RAD51AP2: variants seen among roughly 807,000 people sequenced by gnomAD.
RAD51AP2 encodes RAD51 associated protein 2.
Under a neutral mutation model 85.5 loss-of-function variants are expected in RAD51AP2, and 67 were observed. The ratio of observed to expected loss-of-function variants is 0.78; its 90% CI spans 0.64 to 0.96. The LOEUF (loss-of-function observed/expected upper bound fraction) is 0.96, where lower values mean the gene tolerates loss of function less well. Among genes scored for constraint, RAD51AP2 ranks in the 40% least tolerant of loss-of-function variants. The pLI, the probability that RAD51AP2 is intolerant of heterozygous loss-of-function variation, is 0.00. For missense variants in RAD51AP2, 1,307 were observed against 1,332.4 expected (o/e 0.98, Z 0.30); for synonymous variants, 474 against 446.5 (o/e 1.06, Z -0.78).
At chr2:17,528,426 A>G in the RAD51AP2 span, among the ~76,000 whole-genome samples, 7 of 152,220 alleles carry the variant, frequency 4.6e-5, no homozygotes, top group African/African-American at 1.7e-4. Context: ...CACTCTTAAA[A>G]CATAAAAATA....
upstream of RAD51AP2, among the ~76,000 whole-genome samples, chr2:17,520,972 T>C (rs971997487): frequency 6.6e-6 from 1 of 152,132 alleles, no homozygotes; most frequent in Non-Finnish European, 1.5e-5. Context: ...TGCATCGTCA[T>C]CTGTTTCCTA....
chr2:17,528,800 T>C, the RAD51AP2 span, among the ~76,000 whole-genome samples: 1 of 152,158 alleles, frequency 6.6e-6, no homozygotes, highest in Non-Finnish European at 1.5e-5. Flanking sequence ...GCCGTGATTG[T>C]ACCACTGCTC....
the RAD51AP2 span, among the ~76,000 whole-genome samples, chr2:17,528,792 C>T: frequency 2.6e-5 from 4 of 152,116 alleles, no homozygotes; most frequent in South Asian, 2.1e-4. Flanking sequence ...TGTAGTGAGC[C>T]GTGATTGTAC....
Position 17,515,993 on chromosome 2 carries a change from G to A in RAD51AP2, c.2423C>T (p.Thr808Ile), listed in dbSNP as rs755497056. ...ATTTAGTACTTGAGTTATAGAAGTG[G>A]TATGGGTCTCTTCATTATGTATTAT... is the stretch of plus-strand genomic sequence containing the variant. Reference protein sequence around the residue: ...HNIIHNEETHTTSITQVLNFW... With the variant: ...HNIIHNEETHITSITQVLNFW... Residue 808 changes from threonine (T) to isoleucine (I), a missense_variant, in exon 1 of 3, where the codon ACC (threonine) becomes ATC (isoleucine). Around this residue, in one of 3 missense-constraint regions of RAD51AP2, gnomAD observed 668 missense variants for 671.0 expected, o/e 1.00. Transcript: ENST00000399080. The A allele has an allele frequency of 1.9e-6, 3 of 1,613,534 alleles. No homozygotes were observed. Among genetic ancestry groups the A allele is most frequent in the Non-Finnish European group, 2.5e-6 (3 of 1,179,762 alleles).
chr2:17,518,185 T>G lies in RAD51AP2; in HGVS notation c.231A>C (p.Ser77=). 6.2e-7 allele frequency: 1 copy of G among 1,614,136 alleles called. No individual in the cohort carries two copies. Among genetic ancestry groups the G allele is most frequent in the Non-Finnish European group, 8.5e-7 (1 of 1,180,026 alleles). ...TGGAGTTATCGAAAATAGCATTCGT[T>G]GAAACAAGGAGTCCCTTGAAGGGTC... ...SPRPFKGLLV[S]TNAIFDNSTD... Residue 77 remains serine (S), a synonymous_variant, in exon 1 of 3, where the codon TCA becomes TCC. Coordinates refer to ENST00000399080, the MANE Select transcript of RAD51AP2 (RefSeq NM_001099218.3).
chr2:17,535,355 C>A, the RAD51AP2 span, among the ~76,000 whole-genome samples: 1 of 152,092 alleles, frequency 6.6e-6, no homozygotes, highest in Non-Finnish European at 1.5e-5. Flanking sequence ...CTCTCAAGAG[C>A]CAGAAAATGA....
chr2:17,511,996 T>C (rs1049014153), intron 2 of RAD51AP2, among the ~76,000 whole-genome samples: 2 of 152,166 alleles, frequency 1.3e-5, no homozygotes, highest in African/African-American at 4.8e-5. Context: ...CATTGTTGGA[T>C]CACAAGATCC....
rs1402556186 is a variant in RAD51AP2, at chr2:17,517,570, C to T, written c.846G>A (p.Lys282=). The T allele has an allele frequency of 4.3e-6, 7 of 1,612,676 alleles. No individual in the cohort carries two copies. Among genetic ancestry groups the T allele is most frequent in the South Asian group, 1.1e-5 (1 of 90,678 alleles). The change falls in exon 1 of 3, where the codon AAG becomes AAA. Residue 282 remains lysine, a synonymous_variant. Coordinates refer to ENST00000399080, the MANE Select transcript of RAD51AP2 (RefSeq NM_001099218.3). ...TAACATATGCCTCTTTTTTGTCATT[C>T]TTTTTCTTCGCTATTTCCTTTAAAT... ...SVYLKEIAKK[K]NDKKEAYVRD...
the RAD51AP2 span, among the ~76,000 whole-genome samples, chr2:17,537,469 A>G: frequency 6.6e-6 from 1 of 152,238 alleles, no homozygotes; most frequent in Admixed American, 6.5e-5. Flanking sequence ...AGAATAAACG[A>G]GTATAAATCC....
At chr2:17,536,418 C>T in the RAD51AP2 span, among the ~76,000 whole-genome samples, 5 of 152,208 alleles carry the variant, frequency 3.3e-5, no homozygotes, top group East Asian at 1.9e-4. Flanking sequence ...TTGCCACTAA[C>T]GATAATGGTA....
Position 17,516,683 on chromosome 2 carries a change from ATATC to A in RAD51AP2, c.1729_1732del (p.Asp577PhefsTer3). The A allele has an allele frequency of 6.4e-7, 1 of 1,570,480 alleles. No individual in the cohort carries two copies. Reference sequence around the variant, plus strand: ...AAAAGCTATGTTAGTTTTCAATAGAATATCTAAAGGTTCTGAAACACTATCTTGT... The same window carrying A: ...AAAAGCTATGTTAGTTTTCAATAGAATAAAGGTTCTGAAACACTATCTTGT... On this transcript the variant is annotated frameshift_variant, in exon 1 of 3. Coordinates refer to ENST00000399080, the MANE Select transcript of RAD51AP2 (RefSeq NM_001099218.3). LOFTEE classifies it high-confidence loss of function.
At chr2:17,536,451 T>A in the RAD51AP2 span, among the ~76,000 whole-genome samples, 2 of 152,216 alleles carry the variant, frequency 1.3e-5, no homozygotes, top group African/African-American at 4.8e-5. Context: ...TTCAGAGCAC[T>A]GCTATGAATC....
chr2:17,511,829 A>T (rs1002211870), intron 2 of RAD51AP2, among the ~76,000 whole-genome samples: 11 of 152,236 alleles, frequency 7.2e-5, no homozygotes, highest in Admixed American at 6.5e-4. Flanking sequence ...TGTATAATAA[A>T]CAGGGAGAAA....
chr2:17,516,182 T>A lies in RAD51AP2; in HGVS notation c.2234A>T (p.Asn745Ile), dbSNP rs1282249471. The change falls in exon 1 of 3, where the codon AAC (asparagine) becomes ATC (isoleucine). Residue 745 changes from asparagine to isoleucine, a missense_variant. Asn to Ile is a moderately radical substitution (Grantham distance 149). This residue lies in a region of RAD51AP2 where 668 missense variants were observed against 671.0 expected (regional missense o/e 1.00). Coordinates refer to ENST00000399080, the MANE Select transcript of RAD51AP2 (RefSeq NM_001099218.3). ...GNSCPQFIQN[N>I]RGYINENFYE... ...AAAATTTTCATTAATGTATCCTCGG[T>A]TGTTCTGTATAAATTGAGGACAAGA... is the stretch of plus-strand genomic sequence containing the variant. 6.2e-7 allele frequency: 1 copy of A among 1,613,280 alleles called. No homozygotes were observed. The highest frequency in any genetic ancestry group is 1.1e-5 in the South Asian group (1 of 91,032).
chr2:17,515,231 G>T lies in RAD51AP2; in HGVS notation c.3185C>A (p.Pro1062His). Residue 1062 changes from proline (P) to histidine (H), a missense_variant, in exon 1 of 3, where the codon CCT becomes CAT. By Grantham distance (77) the Pro-to-His change is moderately conservative. Transcript: ENST00000399080. ...TCTACTTGGATAACAACTCTCATTA[G>T]GAACTTCCTGTTCTCCATTATTGGG... ...TVPNNGEQEV[P>H]NESCYPSRSE... 1 of 1,608,634 alleles carries T rather than the reference G, an allele frequency of 6.2e-7. No homozygotes were observed.
Position 17,518,358 on chromosome 2 carries a change from A to AAGAGGAGG in RAD51AP2, c.50_57dup (p.Leu20ProfsTer4). 1 of 1,613,948 alleles carries AAGAGGAGG rather than the reference A, an allele frequency of 6.2e-7. No homozygotes were observed. The highest frequency in any genetic ancestry group is 8.5e-7 in the Non-Finnish European group (1 of 1,179,996). ...GAATCCGGGTCCTCAGGAGGCGTTAAAGAGGAGGTAGGCTTTCTGAGCTCG... is the reference window on the plus strand; with the variant it reads ...GAATCCGGGTCCTCAGGAGGCGTTAAAGAGGAGGAGAGGAGGTAGGCTTTCTGAGCTCG... On this transcript the variant is annotated frameshift_variant, in exon 1 of 3. Coordinates refer to ENST00000399080, the MANE Select transcript of RAD51AP2 (RefSeq NM_001099218.3). LOFTEE classifies it high-confidence loss of function.
In RAD51AP2 at chr2:17,510,952, CT is replaced by C; in HGVS notation, c.3331del (p.Ser1111ValfsTer37). On this transcript the variant is annotated frameshift_variant and splice_region_variant, in exon 3 of 3. Coordinates refer to ENST00000399080, the MANE Select transcript of RAD51AP2 (RefSeq NM_001099218.3). LOFTEE classifies it high-confidence loss of function. ...TCTTGAAATGCCATGTGGAAAGTGACTACCTAAAAATATAAGACAATAAAAG... is the reference window on the plus strand; with the variant it reads ...TCTTGAAATGCCATGTGGAAAGTGACACCTAAAAATATAAGACAATAAAAG... ...EEFNYLLRGGSHFPHGISRVR... is the reference protein window; with the variant it reads ...EEFNYLLRGGXHFPHGISRVR... 2 of 1,586,354 alleles carry C rather than the reference CT, an allele frequency of 1.3e-6. No homozygotes were observed. Among genetic ancestry groups the C allele is most frequent in the East Asian group, 2.3e-5 (1 of 44,278 alleles).
rs748613214 is a variant in RAD51AP2 at position 17,516,136 on chromosome 2, G to T, written c.2280C>A (p.Ser760Arg). Residue 760 changes from serine to arginine, a missense_variant, in exon 1 of 3, where the codon AGC becomes AGA. Ser to Arg is a moderately radical substitution (Grantham distance 110). This residue lies in a region of RAD51AP2 where 668 missense variants were observed against 671.0 expected (regional missense o/e 1.00). Coordinates refer to ENST00000399080, the MANE Select transcript of RAD51AP2 (RefSeq NM_001099218.3). ...NENFYEVNMH[S>R]QDLNMERKQG... The stretch of plus-strand genomic sequence containing the variant: ...GTTTTCTTTCCATATTTAAATCTTG[G>T]CTGTGCATATTTACTTCATAAAAAT... 30 of 1,612,356 alleles carry T rather than the reference G, an allele frequency of 1.9e-5. No individual in the cohort carries two copies. The South Asian group carries it at 3.0e-4, about 16-fold the overall frequency.
In RAD51AP2 at chr2:17,516,618, C is replaced by A; in HGVS notation, c.1798G>T (p.Asp600Tyr). The A allele has an allele frequency of 6.4e-7, 1 of 1,574,662 alleles. No homozygotes were observed. Among genetic ancestry groups the A allele is most frequent in the Non-Finnish European group, 8.6e-7 (1 of 1,164,382 alleles). ...ATGCATTCCTCTTCTAATTCAAAAT[C>A]ATTTTCAATTCTTGTTAAAGAGTCA... is the stretch of plus-strand genomic sequence containing the variant. ...NFDSLTRIEN[D>Y]FELEEECIFK... The change falls in exon 1 of 3, where the codon GAT becomes TAT. Residue 600 changes from aspartate (D) to tyrosine (Y), a missense_variant. Physicochemically the swap from Asp to Tyr is radical, Grantham distance 160. This residue lies in a region of RAD51AP2 where 668 missense variants were observed against 671.0 expected (regional missense o/e 1.00). Transcript: ENST00000399080.
Sources: gnomAD v4.1 joint callset for allele counts (sites outside exome capture counted in the v4.1 genomes callset) on GRCh38, gnomAD v4.1.1 for gene constraint, gnomAD v4.1.1 regional missense constraint, MANE v1.5 for transcripts, NCBI Gene and HGNC (gene_info 2026-07-23, HGNC 2026-07-21) for gene names.